SBK1: variants seen among roughly 807,000 people sequenced by gnomAD.
SBK1 encodes SH3 domain binding kinase 1.
A neutral mutation model predicts 24.4 loss-of-function variants in SBK1; 11 were observed. That is an observed-to-expected ratio of 0.45 (90% CI 0.28 to 0.75). SBK1 has a LOEUF of 0.75. SBK1 is among the 30% of genes least tolerant of loss of function. The pLI is 0.12. For synonymous variants in SBK1, 308 were observed against 284.4 expected, an observed-to-expected ratio of 1.08 and a Z score of -0.83; for missense variants, 467 against 620.5, an observed-to-expected ratio of 0.75 and a Z score of 2.63.
At chr16:28,281,312 C>T (rs1015364698) in intron 1 of SBK1, among the ~76,000 whole-genome samples, 1 of 152,184 alleles carries the variant, frequency 6.6e-6, no homozygotes, top group African/African-American at 2.4e-5. Flanking sequence ...CCCCAGCCTG[C>T]CTCCTCCGGG....
chr16:28,280,115 C>CTA (rs1193408430), intron 1 of SBK1, among the ~76,000 whole-genome samples: 2,746 of 29,350 alleles, frequency 0.094, 275 homozygotes, highest in East Asian at 0.25. Flanking sequence ...TTGAAAAAAA[C>CTA]TATATATATA....
chr16:28,277,352 G>GAA (rs981505715), intron 1 of SBK1, among the ~76,000 whole-genome samples: 11 of 146,654 alleles, frequency 7.5e-5, no homozygotes, highest in South Asian at 2.2e-4. Flanking sequence ...GAGAGAGAGA[G>GAA]AAAAAAAAAA....
chr16:28,314,820 C>T (rs546785315), intron 1 of SBK1, among the ~76,000 whole-genome samples: 53 of 152,194 alleles, frequency 3.5e-4, no homozygotes, highest in African/African-American at 1.2e-3. Context: ...CTCTACTAAA[C>T]ATGCAAAAAT....
intron 1 of SBK1, among the ~76,000 whole-genome samples, chr16:28,269,093 G>T (rs925278103): frequency 1.1e-4 from 16 of 150,368 alleles, no homozygotes; most frequent in African/African-American, 3.7e-4. Context: ...GAGTGCAAGG[G>T]TGCAATCTTG....
chr16:28,304,698 C>T (rs898022287), intron 1 of SBK1, among the ~76,000 whole-genome samples: 9 of 152,032 alleles, frequency 5.9e-5, no homozygotes, highest in African/African-American at 2.2e-4. Flanking sequence ...AGCTCCGCCT[C>T]CTGGGTTCAT....
At chr16:28,266,243 G>A (rs1285290418) in intron 1 of SBK1, among the ~76,000 whole-genome samples, 2 of 151,708 alleles carry the variant, frequency 1.3e-5, no homozygotes, top group Non-Finnish European at 2.9e-5. Context: ...GGCACGTATC[G>A]GTATTCCCAG....
intron 1 of SBK1, among the ~76,000 whole-genome samples, chr16:28,302,964 G>T (rs867545243): frequency 8.1e-6 from 1 of 123,710 alleles, no homozygotes; most frequent in South Asian, 2.2e-4. Context: ...CAGGGCATGG[G>T]GGGGGGTCAG....
chr16:28,287,435 C>CAAG (rs773227794), intron 1 of SBK1, among the ~76,000 whole-genome samples: 27 of 132,062 alleles, frequency 2.0e-4, no homozygotes, highest in Non-Finnish European at 1.7e-4. Context: ...GGTGACAGAG[C>CAAG]AAGACTCCAT....
rs528465761 is a variant in SBK1 at position 28,319,996 on chromosome 16, A to G, written c.430-80A>G. On this transcript the variant is annotated intron_variant, in intron 3 of 3. Coordinates refer to ENST00000341901, the MANE Select transcript of SBK1 (RefSeq NM_001024401.3). This position sits in a 1 kb window ranked among gnomAD's most constrained non-coding sequence, Gnocchi z 4.0. ...GGTGGGAGGCGAAAACCGCCTTGCT[A>G]GAGAGGGAGCTGGAGGGGAGGGCGG... 1.8e-5 allele frequency: 24 copies of G among 1,371,330 alleles called. No individual in the cohort carries two copies. The East Asian group carries it at 3.5e-4, about 20-fold the overall frequency. 84.9% of individuals were successfully genotyped at this position (1,371,330 alleles called of 1,614,324 possible). A position where few individuals can be genotyped will look rare whatever the true frequency, so the allele number is the denominator to read the frequency against.
At chr16:28,318,924 A>G (rs556635403) in intron 2 of SBK1, 71 bp from the exon 3 acceptor site, 1 of 1,121,340 alleles carries the variant, frequency 8.9e-7, no homozygotes, top group African/African-American at 1.5e-5. Context: ...GTCCAGAGAC[A>G]GGCATGGGTG....
intron 1 of SBK1, among the ~76,000 whole-genome samples, chr16:28,310,904 A>C (rs2044749707): frequency 6.6e-6 from 1 of 152,190 alleles, no homozygotes; most frequent in South Asian, 2.1e-4. Context: ...ATTAGGATCA[A>C]GGCCAAGCCT....
rs1000842362 is a variant in SBK1, at chr16:28,319,540, G to A, written c.429+343G>A. 2.6e-5 allele frequency among the ~76,000 whole-genome samples: 4 copies of A among 152,146 alleles called. No homozygotes were observed. Among genetic ancestry groups the A allele is most frequent in the Non-Finnish European group, 5.9e-5 (4 of 68,022 alleles). ...AGGGGCCCTCAGAGGAAGCGACCCT[G>A]GAACCGGGACGGTGGGGGAGGGTTC... On this transcript the variant is annotated intron_variant, in intron 3 of 3. Transcript: ENST00000341901. This position sits in a 1 kb window ranked among gnomAD's most constrained non-coding sequence, Gnocchi z 4.0.
chr16:28,275,650 C>G (rs184490151), intron 1 of SBK1, among the ~76,000 whole-genome samples: 24 of 152,164 alleles, frequency 1.6e-4, no homozygotes, highest in Admixed American at 1.5e-3. Flanking sequence ...GAGGCCAAGG[C>G]AGGTGGATCG....
upstream of SBK1, among the ~76,000 whole-genome samples, chr16:28,289,151 C>T (rs1160959522): frequency 6.6e-6 from 1 of 152,188 alleles, no homozygotes; most frequent in Non-Finnish European, 1.5e-5. Context: ...GAGGAAAGTG[C>T]TCTCTAAGTG....
intron 1 of SBK1, among the ~76,000 whole-genome samples, chr16:28,274,160 C>T (rs2044483166): frequency 6.6e-6 from 1 of 152,092 alleles, no homozygotes. Flanking sequence ...TTTGTCAAAA[C>T]CCATGGAACT....
chr16:28,310,716 T>C (rs1479006591), intron 1 of SBK1, among the ~76,000 whole-genome samples: 3 of 152,030 alleles, frequency 2.0e-5, no homozygotes, highest in Non-Finnish European at 4.4e-5. Context: ...ATGCCTACCT[T>C]GTATTTGTGA....
Position 28,314,996 on chromosome 16 carries a change from A to T in SBK1, c.-7-2389A>T, listed in dbSNP as rs184209056. Among the ~76,000 whole-genome samples the T allele has an allele frequency of 3.1e-4, 47 of 152,256 alleles. No homozygotes were observed. The East Asian group carries it at 8.7e-3, about 28-fold the overall frequency. On this transcript the variant is annotated intron_variant, in intron 1 of 3. Coordinates refer to ENST00000341901, the MANE Select transcript of SBK1 (RefSeq NM_001024401.3). ...CTCCGTCTCAAAAAAAAGGGAAAAAAGGGAGAAGGGAGTGCAGGGAGGGTA... is the reference window on the plus strand; with the variant it reads ...CTCCGTCTCAAAAAAAAGGGAAAAATGGGAGAAGGGAGTGCAGGGAGGGTA...
At chr16:28,282,626 G>GTGAATGAATGAATGAATGAA (rs774095552) in intron 1 of SBK1, among the ~76,000 whole-genome samples, 79,427 of 149,884 alleles carry the variant, frequency 0.53, 22,390 homozygotes, top group Non-Finnish European at 0.63. Context: ...GGGAACAAGT[G>GTGAATGAATGAATGAATGAA]TGAATGAATG....
At chr16:28,315,773 G>GT (rs893779020) in intron 1 of SBK1, among the ~76,000 whole-genome samples, 46 of 149,060 alleles carry the variant, frequency 3.1e-4, no homozygotes, top group Middle Eastern at 3.4e-3. Context: ...TACAAATACA[G>GT]TTTTTTTTTT....
Sources: allele counts gnomAD v4.1 joint callset (sites outside exome capture counted in the v4.1 genomes callset), GRCh38; gene constraint gnomAD v4.1.1; non-coding constraint Gnocchi (gnomAD v3.1); transcripts MANE v1.5; gene names NCBI Gene and HGNC (gene_info 2026-07-23, HGNC 2026-07-21).